SERINC5: variants seen among roughly 807,000 people sequenced by gnomAD.
SERINC5 encodes the protein serine incorporator 5.
In SERINC5, 41 loss-of-function variants were observed where a neutral mutation model predicts 63.1. The ratio of observed to expected loss-of-function variants is 0.65; its 90% CI spans 0.51 to 0.84. The LOEUF (loss-of-function observed/expected upper bound fraction) is 0.84, where lower values mean the gene tolerates loss of function less well. SERINC5 is among the 40% of genes least tolerant of loss of function. The pLI is 0.00. For synonymous variants in SERINC5, 222 were observed against 215.2 expected, an observed-to-expected ratio of 1.03 and a Z score of -0.28; for missense variants, 523 against 573.0, an observed-to-expected ratio of 0.91 and a Z score of 0.89.
At chr5:80,166,627 T>C (rs968035918) in intron 6 of SERINC5, 149 bp from the exon 7 acceptor site, 2 of 553,760 alleles carry the variant, frequency 3.6e-6, no homozygotes, top group Non-Finnish European at 6.5e-6. Context: ...AGTATGTTTC[T>C]CAGATAAAAC....
intron 1 of SERINC5, among the ~76,000 whole-genome samples, chr5:80,248,619 A>G (rs1752259831): frequency 6.6e-6 from 1 of 152,230 alleles, no homozygotes; most frequent in Non-Finnish European, 1.5e-5. Flanking sequence ...CAACCAAAAC[A>G]CCACCTTGAC....
chr5:80,151,661 A>C (rs1746188253), intron 8 of SERINC5, among the ~76,000 whole-genome samples: 1 of 152,196 alleles, frequency 6.6e-6, no homozygotes, highest in South Asian at 2.1e-4. Context: ...CAAAACAAAA[A>C]CACAGAACAT....
chr5:80,162,588 G>A (rs1020088269), intron 7 of SERINC5, among the ~76,000 whole-genome samples: 8 of 152,196 alleles, frequency 5.3e-5, no homozygotes, highest in South Asian at 4.1e-4. Flanking sequence ...TGCTCAGGCC[G>A]GCCTCAAATT....
Position 80,239,093 on chromosome 5 carries a change from T to C in SERINC5, c.27+16803A>G, listed in dbSNP as rs550271153. Reference sequence around the variant, plus strand: ...GACCTGTTTCCTGAAAAAAACTTATTAGGTGGATATGCCACTGCCTTAAGG... The same window carrying C: ...GACCTGTTTCCTGAAAAAAACTTATCAGGTGGATATGCCACTGCCTTAAGG... On this transcript the variant is annotated intron_variant, in intron 1 of 11. Coordinates refer to ENST00000507668, the MANE Select transcript of SERINC5 (RefSeq NM_001174072.3). Among the ~76,000 whole-genome samples, 3 of 152,258 alleles carry C rather than the reference T, an allele frequency of 2.0e-5. No homozygotes were observed. The East Asian group carries it at 5.8e-4, about 29-fold the overall frequency.
chr5:80,188,446 T>C (rs866692562), intron 2 of SERINC5, among the ~76,000 whole-genome samples: 63 of 152,190 alleles, frequency 4.1e-4, no homozygotes, highest in African/African-American at 1.4e-3. Flanking sequence ...CAATTCTAAC[T>C]TGATTGCTTC....
chr5:80,123,530 G>C (rs1051458261), intron 11 of SERINC5, among the ~76,000 whole-genome samples: 2 of 152,202 alleles, frequency 1.3e-5, no homozygotes, highest in African/African-American at 4.8e-5. Flanking sequence ...TCCTTGTGCT[G>C]AGTTGTCTGT....
At chr5:80,225,050 CTT>C (rs1751109435) in intron 1 of SERINC5, among the ~76,000 whole-genome samples, 1 of 151,454 alleles carries the variant, frequency 6.6e-6, no homozygotes, top group Admixed American at 6.6e-5. Flanking sequence ...AAGCAATTCT[CTT>C]GACTCAGCCT....
chr5:80,253,750 TATTC>T (rs771179459), intron 1 of SERINC5, among the ~76,000 whole-genome samples: 2 of 152,300 alleles, frequency 1.3e-5, no homozygotes, highest in Non-Finnish European at 1.5e-5. Flanking sequence ...ACCAGTACCA[TATTC>T]ATTGTTTCAT....
At position 80,146,207 on chromosome 5, in the gene SERINC5, T is replaced by TC; in HGVS notation, c.1120dup (p.Glu374GlyfsTer8). The TC allele has an allele frequency of 6.2e-7, 1 of 1,614,008 alleles. No homozygotes were observed. Reference sequence around the variant, plus strand: ...CTCGTCATAAATGACCCGTGGTCCCTCCTTCCCCGGCTGCTGCTCTTCAGT... The same window carrying TC: ...CTCGTCATAAATGACCCGTGGTCCCTCCCTTCCCCGGCTGCTGCTCTTCAGT... On this transcript the variant is annotated frameshift_variant, in exon 11 of 12. Transcript: ENST00000507668. LOFTEE classifies it high-confidence loss of function.
At chr5:80,147,179 A>C (rs375067461) in intron 10 of SERINC5, 66 bp downstream of exon 10, 57 of 1,408,870 alleles carry the variant, frequency 4.0e-5, no homozygotes, top group Non-Finnish European at 5.2e-5. Context: ...ATCCCAAATG[A>C]CTACAGATTA....
intron 11 of SERINC5, among the ~76,000 whole-genome samples, chr5:80,124,925 T>G (rs1168199423): frequency 6.6e-6 from 1 of 152,018 alleles, no homozygotes; most frequent in African/African-American, 2.4e-5. Flanking sequence ...CCTGTCACTG[T>G]GTGGAGGGGA....
Position 80,143,178 on chromosome 5 carries a change from C to G in SERINC5, c.*485G>C. Reference sequence around the variant, plus strand: ...GACCCTATAAATACCAGGGGCCCTGCAGGCTGAGTCCTGTCCTCAAAGCCC... The same window carrying G: ...GACCCTATAAATACCAGGGGCCCTGGAGGCTGAGTCCTGTCCTCAAAGCCC... On this transcript the variant is annotated 3_prime_UTR_variant, in exon 12 of 12. Coordinates refer to ENST00000507668, the MANE Select transcript of SERINC5 (RefSeq NM_001174072.3). 1 of 986,482 alleles carries G rather than the reference C, an allele frequency of 1.0e-6. No individual in the cohort carries two copies. The highest frequency in any genetic ancestry group is 1.2e-6 in the Non-Finnish European group (1 of 830,750). The allele number at this position is 986,482 out of a possible 1,614,324, so 61.1% of individuals were successfully genotyped here.
intron 9 of SERINC5, among the ~76,000 whole-genome samples, chr5:80,147,636 T>G (rs557249431): frequency 1.3e-5 from 2 of 152,304 alleles, no homozygotes; most frequent in South Asian, 4.1e-4. Flanking sequence ...TTTGTCCAGC[T>G]GCACTGTCCT....
intron 2 of SERINC5, among the ~76,000 whole-genome samples, chr5:80,181,896 C>T (rs1259663203): frequency 6.6e-6 from 1 of 152,160 alleles, no homozygotes; most frequent in Non-Finnish European, 1.5e-5. Context: ...ATTAACCAGC[C>T]CAGACCAGGA....
chr5:80,249,392 G>A (rs931474859), intron 1 of SERINC5, among the ~76,000 whole-genome samples: 1 of 151,864 alleles, frequency 6.6e-6, no homozygotes, highest in Non-Finnish European at 1.5e-5. Flanking sequence ...AACATTAACA[G>A]CTACAATAAG....
chr5:80,251,603 G>A (rs1038909760), intron 1 of SERINC5, among the ~76,000 whole-genome samples: 3 of 151,912 alleles, frequency 2.0e-5, no homozygotes, highest in Non-Finnish European at 4.4e-5. Flanking sequence ...AGTGGCAAGT[G>A]CCTGTAATCC....
intron 5 of SERINC5, among the ~76,000 whole-genome samples, chr5:80,171,758 A>G (rs1042292863): frequency 3.9e-5 from 6 of 152,096 alleles, no homozygotes; most frequent in African/African-American, 1.4e-4. Context: ...TGGACATGCT[A>G]ATTAGCCAGC....
At chr5:80,246,257 T>A (rs946557418) in intron 1 of SERINC5, among the ~76,000 whole-genome samples, 3 of 152,066 alleles carry the variant, frequency 2.0e-5, no homozygotes, top group Non-Finnish European at 4.4e-5. Flanking sequence ...TCCATTAAAT[T>A]GCTGAGACAT....
At chr5:80,252,700 A>T (rs1752485234) in intron 1 of SERINC5, among the ~76,000 whole-genome samples, 1 of 152,212 alleles carries the variant, frequency 6.6e-6, no homozygotes, top group Non-Finnish European at 1.5e-5. Context: ...CAGACTTTAC[A>T]CTTATCATCA....
Sources: gnomAD v4.1 joint callset for allele counts (sites outside exome capture counted in the v4.1 genomes callset) on GRCh38, gnomAD v4.1.1 for gene constraint, MANE v1.5 for transcripts, NCBI Gene and HGNC (gene_info 2026-07-23, HGNC 2026-07-21) for gene names.